The following SCHIP1 variants were observed in gnomAD, a reference collection of about 807,000 sequenced individuals.
The protein encoded by SCHIP1 is schwannomin interacting protein 1.
Under a neutral mutation model 29.7 loss-of-function variants are expected in SCHIP1, and 8 were observed. The ratio of observed to expected loss-of-function variants is 0.27; its 90% confidence interval spans 0.16 to 0.49. SCHIP1 has a LOEUF of 0.49. Among genes scored for constraint, SCHIP1 ranks in the 20% least tolerant of loss-of-function variants. The pLI, the probability that SCHIP1 is intolerant of heterozygous loss-of-function variation, is 0.99. For missense variants in SCHIP1, 193 were observed against 294.6 expected, an observed-to-expected ratio of 0.66 and a Z score of 2.52; for synonymous variants, 76 against 94.9, an observed-to-expected ratio of 0.80 and a Z score of 1.16.
At chr3:159,497,974 AG>A in the SCHIP1 span, among the ~76,000 whole-genome samples, 1 of 152,208 alleles carries the variant, frequency 6.6e-6, no homozygotes, top group Admixed American at 6.5e-5. Flanking sequence ...CATTACTGGA[AG>A]GGCAGAAACT....
chr3:159,499,075 C>G, the SCHIP1 span, among the ~76,000 whole-genome samples: 85 of 152,294 alleles, frequency 5.6e-4, no homozygotes, highest in African/African-American at 1.9e-3. Context: ...ACCCCACCCC[C>G]ATTAACACCT....
chr3:159,615,322 A>G, the SCHIP1 span, among the ~76,000 whole-genome samples: 24 of 152,302 alleles, frequency 1.6e-4, no homozygotes, highest in African/African-American at 5.8e-4. Flanking sequence ...GTGGGAAGCA[A>G]TTTGGGATTT....
At chr3:159,842,698 C>T (rs879825903) in intron 1 of SCHIP1, among the ~76,000 whole-genome samples, 7 of 151,826 alleles carry the variant, frequency 4.6e-5, no homozygotes, top group Non-Finnish European at 1.0e-4. Context: ...CTGGCATGCA[C>T]CCCCACCTCC....
chr3:159,573,201 T>C, the SCHIP1 span, among the ~76,000 whole-genome samples: 21,197 of 152,244 alleles, frequency 0.14, 1,553 homozygotes, highest in Middle Eastern at 0.22. Context: ...AGTTTCTTCA[T>C]AGCATCAATG....
the SCHIP1 span, among the ~76,000 whole-genome samples, chr3:159,725,134 C>A: frequency 6.6e-6 from 1 of 152,024 alleles, no homozygotes; most frequent in Non-Finnish European, 1.5e-5. Flanking sequence ...GATGAGGAGC[C>A]CTTCTTGGGG....
At chr3:159,521,895 G>T in the SCHIP1 span, among the ~76,000 whole-genome samples, 1 of 152,144 alleles carries the variant, frequency 6.6e-6, no homozygotes, top group Admixed American at 6.5e-5. Context: ...TGCAACAATA[G>T]ATTGCAAATA....
the SCHIP1 span, among the ~76,000 whole-genome samples, chr3:159,393,079 T>A: frequency 1.3e-5 from 2 of 152,236 alleles, no homozygotes; most frequent in African/African-American, 2.4e-5. Flanking sequence ...ATGAGCATTT[T>A]TTCATGTGTC....
At chr3:159,342,014 T>C in the SCHIP1 span, among the ~76,000 whole-genome samples, 1 of 152,230 alleles carries the variant, frequency 6.6e-6, no homozygotes, top group East Asian at 1.9e-4. Flanking sequence ...TCTTCATTAT[T>C]CTATTGGGAG....
the SCHIP1 span, among the ~76,000 whole-genome samples, chr3:159,564,927 A>G: frequency 6.6e-6 from 1 of 152,204 alleles, no homozygotes; most frequent in Admixed American, 6.5e-5. Context: ...ATACTCTCAC[A>G]TATGTCTTTT....
At chr3:159,386,553 C>T in the SCHIP1 span, among the ~76,000 whole-genome samples, 2 of 151,746 alleles carry the variant, frequency 1.3e-5, no homozygotes, top group Non-Finnish European at 2.9e-5. Flanking sequence ...CTTTAAATTT[C>T]ATATGGAACC....
the SCHIP1 span, among the ~76,000 whole-genome samples, chr3:159,772,408 G>A: frequency 1.3e-5 from 2 of 152,202 alleles, no homozygotes; most frequent in Non-Finnish European, 2.9e-5. Context: ...CCTCCCAAGT[G>A]CTGGGATTAT....
the SCHIP1 span, among the ~76,000 whole-genome samples, chr3:159,556,316 A>G: frequency 0.021 from 3,238 of 151,716 alleles, 102 homozygotes; most frequent in African/African-American, 0.074. Context: ...TTACACTGTT[A>G]GTGGGACTGT....
At chr3:159,739,155 A>C in the SCHIP1 span, among the ~76,000 whole-genome samples, 2 of 152,212 alleles carry the variant, frequency 1.3e-5, 1 homozygote, top group South Asian at 4.1e-4. Flanking sequence ...ACTGCTCTTG[A>C]TAGACTCACA....
the SCHIP1 span, among the ~76,000 whole-genome samples, chr3:159,292,863 T>C: frequency 6.6e-6 from 1 of 152,210 alleles, no homozygotes; most frequent in Admixed American, 6.5e-5. Flanking sequence ...TAGGGAATCA[T>C]GGGATGTATA....
chr3:159,744,187 A>T, the SCHIP1 span, among the ~76,000 whole-genome samples: 1 of 152,332 alleles, frequency 6.6e-6, no homozygotes, highest in East Asian at 1.9e-4. Flanking sequence ...ATTCATTTAA[A>T]CATTATTCTT....
the SCHIP1 span, among the ~76,000 whole-genome samples, chr3:159,316,819 TA>T: frequency 6.6e-6 from 1 of 152,200 alleles, no homozygotes; most frequent in African/African-American, 2.4e-5. Context: ...GAAATGAAGA[TA>T]TTTTCTTAGT....
the SCHIP1 span, among the ~76,000 whole-genome samples, chr3:159,404,352 C>T: frequency 6.6e-6 from 1 of 152,152 alleles, no homozygotes; most frequent in South Asian, 2.1e-4. Context: ...GATTTCAGGT[C>T]GTTGCTCTTC....
chr3:159,442,708 A>G, the SCHIP1 span, among the ~76,000 whole-genome samples: 1 of 152,148 alleles, frequency 6.6e-6, no homozygotes, highest in Non-Finnish European at 1.5e-5. Context: ...GTTTGCAGAC[A>G]TTTGTGGGAG....
the SCHIP1 span, among the ~76,000 whole-genome samples, chr3:159,710,187 T>G: frequency 0.025 from 3,829 of 152,292 alleles, 158 homozygotes; most frequent in African/African-American, 0.087. Context: ...AGAACCAACC[T>G]AAGTGACCAT....
Sources: allele counts gnomAD v4.1 joint callset (sites outside exome capture counted in the v4.1 genomes callset), GRCh38; gene constraint gnomAD v4.1.1; transcripts MANE v1.5; gene names NCBI Gene and HGNC (gene_info 2026-07-23, HGNC 2026-07-21).